ARNT: variants seen among roughly 807,000 people sequenced by gnomAD.
ARNT encodes the protein aryl hydrocarbon receptor nuclear translocator.
In ARNT, 30 loss-of-function variants were observed where a neutral mutation model predicts 105.0. That is an observed-to-expected ratio of 0.29 (90% CI 0.21 to 0.39). The LOEUF is 0.39. Among genes scored for constraint, ARNT ranks in the 10% least tolerant of loss-of-function variants. The pLI is 1.00. For synonymous variants in ARNT, 304 were observed against 344.0 expected, an observed-to-expected ratio of 0.88 and a Z score of 1.29; for missense variants, 748 against 978.7, an observed-to-expected ratio of 0.76 and a Z score of 3.15.
At position 150,810,168 on chromosome 1, in the gene ARNT, CA is replaced by C. The variant is rs1413532436; in HGVS notation, c.*1852del. Reference sequence around the variant, plus strand: ...TTATTTTTGCCACTGTAAAGCTTAGCACAGATGCCAGCAATACAGAAATGGC... The same window carrying C: ...TTATTTTTGCCACTGTAAAGCTTAGCCAGATGCCAGCAATACAGAAATGGC... On this transcript the variant is annotated 3_prime_UTR_variant, in exon 22 of 22. Transcript: ENST00000358595. The C allele has an allele frequency of 8.6e-6, 2 of 232,082 alleles. No homozygotes were observed. Among genetic ancestry groups the C allele is most frequent in the African/African-American group, 4.4e-5 (2 of 45,178 alleles). The allele number at this position is 232,082 out of a possible 1,614,324, so 14.4% of individuals were successfully genotyped here. A position where few individuals can be genotyped will look rare whatever the true frequency, so the allele number is the denominator to read the frequency against.
intron 4 of ARNT, 48 bp from the exon 5 acceptor site, chr1:150,842,516 G>T (rs1403253939): frequency 6.5e-7 from 1 of 1,539,866 alleles, no homozygotes; most frequent in East Asian, 2.3e-5. Context: ...TAAAAAAGAA[G>T]GAAGGAAGGG....
In ARNT at chr1:150,858,382, G is replaced by T. The variant is rs780629150; in HGVS notation, c.104C>A (p.Ala35Asp). The T allele has an allele frequency of 2.5e-5, 41 of 1,609,048 alleles. No individual in the cohort carries two copies. Among genetic ancestry groups the T allele is most frequent in the African/African-American group, 6.7e-5 (5 of 74,878 alleles). ...CCGCTTAATAGCCCTCTGGACAATG[G>T]CTCCTCCACCTTGAATTCCAGGTCC... Reference protein sequence around the residue: ...NSGPGIQGGGAIVQRAIKRRP... With the variant: ...NSGPGIQGGGDIVQRAIKRRP... The change falls in exon 2 of 22, where the codon GCC becomes GAC. Residue 35 changes from alanine to aspartate, a missense_variant. Physicochemically the swap from Ala to Asp is moderately radical, Grantham distance 126. Coordinates refer to ENST00000358595, the MANE Select transcript of ARNT (RefSeq NM_001668.4).
intron 14 of ARNT, 35 bp from the exon 15 acceptor site, chr1:150,818,065 G>A: frequency 6.9e-7 from 1 of 1,439,710 alleles, no homozygotes; most frequent in South Asian, 1.2e-5. Flanking sequence ...AGAGGGGGTG[G>A]AGAGGGAGGA....
At chr1:150,861,464 C>T (rs1665620809) in intron 1 of ARNT, among the ~76,000 whole-genome samples, 1 of 152,222 alleles carries the variant, frequency 6.6e-6, no homozygotes, top group Non-Finnish European at 1.5e-5. Context: ...TACTATTCAA[C>T]AGTAGTCAAG....
Position 150,823,342 on chromosome 1 carries a change from C to T in ARNT, c.1246G>A (p.Val416Met). The change falls in exon 14 of 22, where the codon GTG becomes ATG. Residue 416 changes from valine to methionine, a missense_variant. Transcript: ENST00000358595. ...GACAGCACTTGGCCTTTTAATTTCA[C>T]TACCTGAAAAAGTTTTCATGCCATC... ...QLLRDSFQQV[V>M]KLKGQVLSVM... 1 of 1,593,208 alleles carries T rather than the reference C, an allele frequency of 6.3e-7. No individual in the cohort carries two copies. Among genetic ancestry groups the T allele is most frequent in the South Asian group, 1.1e-5 (1 of 87,720 alleles).
Position 150,831,889 on chromosome 1 carries a change from G to C in ARNT, c.884C>G (p.Ser295Cys). The C allele has an allele frequency of 1.3e-6, 2 of 1,577,500 alleles. No individual in the cohort carries two copies. Among genetic ancestry groups the C allele is most frequent in the South Asian group, 1.2e-5 (1 of 85,718 alleles). Reference sequence around the variant, plus strand: ...GAAGTGAGGTTCCCCATCCTTTACAGAGCCAAGTCCATTCCTAGAAGAGTT... The same window carrying C: ...GAAGTGAGGTTCCCCATCCTTTACACAGCCAAGTCCATTCCTAGAAGAGTT... Reference protein sequence around the residue: ...VRNRCRNGLGSVKDGEPHFVV... With the variant: ...VRNRCRNGLGCVKDGEPHFVV... The change falls in exon 10 of 22, where the codon TCT becomes TGT. Residue 295 changes from serine (S) to cysteine (C), a missense_variant. Physicochemically the swap from Ser to Cys is moderately radical, Grantham distance 112. Around this residue, in one of 4 missense-constraint regions of ARNT, gnomAD observed 291 missense variants for 444.6 expected, o/e 0.65. Coordinates refer to ENST00000358595, the MANE Select transcript of ARNT (RefSeq NM_001668.4).
intron 8 of ARNT, among the ~76,000 whole-genome samples, chr1:150,833,937 C>CTT (rs1449123694): frequency 7.0e-6 from 1 of 141,884 alleles, no homozygotes; most frequent in Non-Finnish European, 1.6e-5. Context: ...TTTTCTTTTT[C>CTT]TTTTTTTTTT....
chr1:150,836,167 C>A, intron 7 of ARNT, 113 bp downstream of exon 7: 4 of 961,600 alleles, frequency 4.2e-6, no homozygotes, highest in African/African-American at 1.6e-5. Flanking sequence ...GTAGAAAATT[C>A]TTGAAGCCTT....
At position 150,829,984 on chromosome 1, in the gene ARNT, C is replaced by G. The variant is rs1659050300; in HGVS notation, c.956-4G>C. The stretch of plus-strand genomic sequence containing the variant: ...TCATCATCTGGGAGGGAAACACCTT[C>G]AGAAACGTGACGTTAAAAGGTTTAA... On this transcript the variant is annotated splice_polypyrimidine_tract_variant and splice_region_variant and intron_variant, in intron 10 of 21. Coordinates refer to ENST00000358595, the MANE Select transcript of ARNT (RefSeq NM_001668.4). 1.9e-6 allele frequency: 3 copies of G among 1,614,086 alleles called. No homozygotes were observed. Among genetic ancestry groups the G allele is most frequent in the Non-Finnish European group, 2.5e-6 (3 of 1,180,034 alleles).
intron 1 of ARNT, 40 bp downstream of exon 1, chr1:150,876,503 C>T (rs757226269): frequency 6.4e-5 from 99 of 1,547,906 alleles, no homozygotes; most frequent in Non-Finnish European, 8.5e-5. Flanking sequence ...CCCCTTCGGC[C>T]CCTCCCCTTT....
At chr1:150,858,919 G>A (rs1170612917) in intron 1 of ARNT, among the ~76,000 whole-genome samples, 4 of 151,324 alleles carry the variant, frequency 2.6e-5, no homozygotes, top group South Asian at 2.1e-4. Context: ...CACCACACAC[G>A]GTCTCTTCTT....
intron 8 of ARNT, among the ~76,000 whole-genome samples, chr1:150,834,106 T>C (rs1659843742): frequency 6.6e-6 from 1 of 151,842 alleles, no homozygotes; most frequent in South Asian, 2.1e-4. Context: ...TCTAATTTTG[T>C]TGTTGTTTTT....
chr1:150,872,875 T>A (rs587698962), intron 1 of ARNT, among the ~76,000 whole-genome samples: 1 of 151,996 alleles, frequency 6.6e-6, no homozygotes, highest in Non-Finnish European at 1.5e-5. Context: ...AGTGGGAGGA[T>A]CACATGCTCC....
chr1:150,830,237 T>C (rs1659120287), intron 10 of ARNT: 2 of 335,366 alleles, frequency 6.0e-6, no homozygotes, highest in Non-Finnish European at 1.1e-5. Context: ...TCCCAGCTAC[T>C]TGGGAGGCTG....
intron 12 of ARNT, among the ~76,000 whole-genome samples, chr1:150,827,110 A>C (rs918995567): frequency 2.0e-5 from 3 of 152,172 alleles, no homozygotes; most frequent in Admixed American, 2.0e-4. Context: ...AGAATCTGTT[A>C]AGGAGCTGGC....
chr1:150,847,425 CAA>C (rs587697329), intron 3 of ARNT, among the ~76,000 whole-genome samples: 9 of 91,744 alleles, frequency 9.8e-5, no homozygotes, highest in Non-Finnish European at 1.6e-4. Flanking sequence ...GACTCCGTCT[CAA>C]AAAAAAAAAA....
At chr1:150,818,336 TAA>T (rs940572460) in intron 14 of ARNT, 3 of 222,790 alleles carry the variant, frequency 1.3e-5, no homozygotes, top group African/African-American at 6.8e-5. Context: ...AAAGCATAGG[TAA>T]AAAAATGAAA....
intron 1 of ARNT, among the ~76,000 whole-genome samples, chr1:150,868,995 T>G (rs1344346195): frequency 2.0e-5 from 3 of 151,380 alleles, no homozygotes; most frequent in Non-Finnish European, 4.4e-5. Context: ...GGCATGATGG[T>G]GCATACCTAT....
intron 1 of ARNT, among the ~76,000 whole-genome samples, chr1:150,870,163 C>T (rs1331601716): frequency 1.3e-5 from 2 of 152,150 alleles, no homozygotes; most frequent in Non-Finnish European, 2.9e-5. Flanking sequence ...TACTTATTCA[C>T]TCTCTGTGCC....
Sources: gnomAD v4.1 joint callset for allele counts (sites outside exome capture counted in the v4.1 genomes callset) on GRCh38, gnomAD v4.1.1 for gene constraint, gnomAD v4.1.1 regional missense constraint, MANE v1.5 for transcripts, NCBI Gene and HGNC (gene_info 2026-07-23, HGNC 2026-07-21) for gene names.